Variants in TMEM131 observed in about 807,000 individuals in gnomAD.
TMEM131 encodes the protein 2610524E03Rik.
TMEM131 carries 66 observed loss-of-function variants against 211.6 expected under a neutral mutation model. That is an observed-to-expected ratio of 0.31 (90% CI 0.26 to 0.38). The LOEUF (loss-of-function observed/expected upper bound fraction) is 0.38, where lower values mean the gene tolerates loss of function less well. Ranked by LOEUF, TMEM131 falls within the 10% of genes least tolerant of loss-of-function variation. The pLI is 1.00. For missense variants in TMEM131, 2,036 were observed against 2,299.3 expected, an observed-to-expected ratio of 0.89 and a Z score of 2.34; for synonymous variants, 844 against 841.3, an observed-to-expected ratio of 1.00 and a Z score of -0.06.
chr2:97,949,859 C>A (rs1200001749), intron 1 of TMEM131, among the ~76,000 whole-genome samples: 1 of 148,910 alleles, frequency 6.7e-6, no homozygotes, highest in African/African-American at 2.5e-5. Context: ...TATTTTTACA[C>A]CCCACACAGG....
intron 40 of TMEM131, among the ~76,000 whole-genome samples, chr2:97,758,530 C>G (rs1002366544): frequency 6.6e-6 from 1 of 152,154 alleles, no homozygotes; most frequent in Admixed American, 6.5e-5. Flanking sequence ...GCACAGATGC[C>G]GAAGGCTTCC....
intron 2 of TMEM131, among the ~76,000 whole-genome samples, chr2:97,909,505 A>G (rs1676209319): frequency 6.6e-6 from 1 of 152,202 alleles, no homozygotes; most frequent in Admixed American, 6.6e-5. Context: ...CAACAGCTGT[A>G]GTTCAGGTGA....
intron 31 of TMEM131, among the ~76,000 whole-genome samples, chr2:97,785,433 A>G (rs1359883918): frequency 6.6e-6 from 1 of 152,218 alleles, no homozygotes; most frequent in African/African-American, 2.4e-5. Context: ...CAATATCATT[A>G]TCCATTAGAA....
At chr2:97,837,195 C>A in intron 7 of TMEM131, 38 bp from the exon 8 acceptor site, 1 of 1,489,400 alleles carries the variant, frequency 6.7e-7, no homozygotes, top group South Asian at 1.3e-5. Context: ...CGTTCAAAGT[C>A]ATATTCTCAA....
chr2:97,926,705 G>C (rs1019753735), intron 2 of TMEM131, among the ~76,000 whole-genome samples: 1 of 152,136 alleles, frequency 6.6e-6, no homozygotes, highest in Admixed American at 6.5e-5. Context: ...TCACATCCCA[G>C]TTCACAAGCT....
chr2:97,757,487 TCTTA>T, intron 40 of TMEM131, 104 bp from the exon 41 acceptor site: 2 of 1,294,458 alleles, frequency 1.5e-6, no homozygotes, highest in Admixed American at 2.4e-5. Context: ...CACGCATTCC[TCTTA>T]CTTTGTTTAC....
chr2:97,853,650 G>A (rs1018759549), intron 5 of TMEM131, among the ~76,000 whole-genome samples: 3 of 151,312 alleles, frequency 2.0e-5, no homozygotes, highest in Non-Finnish European at 2.9e-5. Flanking sequence ...CATGGGAGAA[G>A]GTTAAAATGT....
chr2:97,850,943 TAG>T (rs1673599860), intron 5 of TMEM131, among the ~76,000 whole-genome samples: 1 of 151,770 alleles, frequency 6.6e-6, no homozygotes. Flanking sequence ...TCCAAAGAGT[TAG>T]AAAAATCACC....
At chr2:97,841,761 A>C (rs1443583706) in intron 7 of TMEM131, 54 bp downstream of exon 7, 8 of 1,493,116 alleles carry the variant, frequency 5.4e-6, no homozygotes, top group Admixed American at 2.4e-5. Flanking sequence ...TTTCATGCTA[A>C]GCATTAATTC....
chr2:97,908,720 G>A (rs750074116), intron 2 of TMEM131, 22 bp from the exon 3 acceptor site: 2 of 1,594,762 alleles, frequency 1.3e-6, no homozygotes, highest in East Asian at 2.2e-5. Context: ...ATAAAATAAT[G>A]ATTAAAAAAC....
chr2:97,896,230 C>CAGTT (rs1675605802), intron 3 of TMEM131, among the ~76,000 whole-genome samples: 1 of 150,894 alleles, frequency 6.6e-6, no homozygotes, highest in Non-Finnish European at 1.5e-5. Flanking sequence ...ATCTGAGAAA[C>CAGTT]TGTTATGATT....
At chr2:97,877,307 T>A (rs1293714985) in intron 4 of TMEM131, among the ~76,000 whole-genome samples, 2 of 152,138 alleles carry the variant, frequency 1.3e-5, no homozygotes, top group African/African-American at 4.8e-5. Flanking sequence ...TTCACTGCTA[T>A]CCCCAACAAG....
chr2:97,801,037 G>C (rs375314636), intron 25 of TMEM131, among the ~76,000 whole-genome samples: 1 of 152,220 alleles, frequency 6.6e-6, no homozygotes, highest in African/African-American at 2.4e-5. Flanking sequence ...ATTCTAATAA[G>C]GATTGGGCTA....
rs1679176038 is a variant in TMEM131, at chr2:97,766,532, G to T, written c.4519C>A (p.Leu1507Ile). The change falls in exon 34 of 41, where the codon CTT becomes ATT. Residue 1507 changes from leucine to isoleucine, a missense_variant. Around this residue, in one of 3 missense-constraint regions of TMEM131, gnomAD observed 1,623 missense variants for 1,805.9 expected, o/e 0.90. Transcript: ENST00000186436. ...GATCCACTTGTCATTGCAGTTGGAAGAGGAATCTTGCTTGGGAGATTTCTA... is the reference window on the plus strand; with the variant it reads ...GATCCACTTGTCATTGCAGTTGGAATAGGAATCTTGCTTGGGAGATTTCTA... ...QRRNLPSKIP[L>I]PTAMTSGSKS... 3 of 1,613,902 alleles carry T rather than the reference G, an allele frequency of 1.9e-6. No homozygotes were observed. In the South Asian group the frequency reaches 3.3e-5, roughly 18 times the overall value.
At chr2:97,849,523 T>C (rs1683600490) in intron 5 of TMEM131, among the ~76,000 whole-genome samples, 1 of 152,156 alleles carries the variant, frequency 6.6e-6, no homozygotes, top group Non-Finnish European at 1.5e-5. Flanking sequence ...CTACACTCAG[T>C]GGTTTGAGTT....
At chr2:97,849,616 T>C (rs1357153897) in intron 5 of TMEM131, among the ~76,000 whole-genome samples, 1 of 151,894 alleles carries the variant, frequency 6.6e-6, no homozygotes, top group Non-Finnish European at 1.5e-5. Flanking sequence ...ACTGCAAGTA[T>C]ACTATAATTT....
At chr2:97,851,102 C>T (rs1673605748) in intron 5 of TMEM131, among the ~76,000 whole-genome samples, 1 of 151,744 alleles carries the variant, frequency 6.6e-6, no homozygotes, top group Non-Finnish European at 1.5e-5. Flanking sequence ...ATAGCTCAGT[C>T]CCTGGGCTTT....
intron 1 of TMEM131, among the ~76,000 whole-genome samples, chr2:97,981,556 T>TC (rs1679799028): frequency 6.6e-6 from 1 of 152,162 alleles, no homozygotes; most frequent in Non-Finnish European, 1.5e-5. Context: ...TTAGGTTTTT[T>TC]CCCCCTTAGA....
intron 2 of TMEM131, among the ~76,000 whole-genome samples, chr2:97,925,758 T>A (rs1334489680): frequency 6.6e-6 from 1 of 152,180 alleles, no homozygotes; most frequent in African/African-American, 2.4e-5. Context: ...TTTTTGGCAA[T>A]TTTTAAAATT....
Sources: allele counts gnomAD v4.1 joint callset (sites outside exome capture counted in the v4.1 genomes callset), GRCh38; gene constraint gnomAD v4.1.1; regional missense constraint gnomAD v4.1.1; transcripts MANE v1.5; gene names NCBI Gene and HGNC (gene_info 2026-07-23, HGNC 2026-07-21).